The following ZNF407 variants were observed in gnomAD, a reference collection of about 807,000 sequenced individuals.
The protein encoded by ZNF407 is zinc finger protein 407.
Under a neutral mutation model 131.2 loss-of-function variants are expected in ZNF407, and 17 were observed. The observed-to-expected ratio is 0.13, with a 90% CI of 0.09 to 0.19. The LOEUF (loss-of-function observed/expected upper bound fraction) is 0.19. Among genes scored for constraint, ZNF407 ranks in the 10% least tolerant of loss-of-function variants. The pLI, the probability that ZNF407 is intolerant of heterozygous loss-of-function variation, is 1.00. For synonymous variants in ZNF407, 1,156 were observed against 1,062.0 expected (o/e 1.09, Z -1.72); for missense variants, 2,681 against 2,830.6 (o/e 0.95, Z 1.20).
Position 74,877,284 on chromosome 18 carries a change from G to T in ZNF407, c.4965G>T (p.Pro1655=), listed in dbSNP as rs767992686. The T allele has an allele frequency of 6.2e-7, 1 of 1,613,980 alleles. No homozygotes were observed. The highest frequency in any genetic ancestry group is 8.5e-7 in the Non-Finnish European group (1 of 1,179,880). Residue 1655 remains proline, a synonymous_variant, in exon 5 of 9, where the codon CCG becomes CCT. Coordinates refer to ENST00000299687, the MANE Select transcript of ZNF407 (RefSeq NM_017757.3). The part of the protein sequence containing the change: ...NHMKLHTGEK[P]FKCTWPTCHY... ...TGAAACTCCACACGGGAGAAAAGCC[G>T]TTTAAATGTACCTGGCCCACGTGCC...
intron 8 of ZNF407, among the ~76,000 whole-genome samples, chr18:74,922,020 G>A (rs1042478037): frequency 3.3e-5 from 5 of 152,102 alleles, no homozygotes; most frequent in Admixed American, 6.5e-5. Flanking sequence ...AAGTAATGTC[G>A]AGTGTGTGAT....
intron 1 of ZNF407, among the ~76,000 whole-genome samples, chr18:74,625,492 A>G (rs887269703): frequency 1.4e-4 from 21 of 152,320 alleles, no homozygotes; most frequent in Admixed American, 1.2e-3. Flanking sequence ...GTGTTTGCAG[A>G]TGAAGACGTG....
intron 3 of ZNF407, among the ~76,000 whole-genome samples, chr18:74,732,572 C>G (rs999744692): frequency 6.6e-6 from 1 of 152,146 alleles, no homozygotes; most frequent in African/African-American, 2.4e-5. Flanking sequence ...CAGTATTGAC[C>G]TTAGATAAGC....
chr18:74,899,414 C>A (rs113956245), intron 7 of ZNF407, among the ~76,000 whole-genome samples: 3,662 of 152,148 alleles, frequency 0.024, 124 homozygotes, highest in African/African-American at 0.08. Context: ...TGCACGCCAT[C>A]CTTCGGGTGT....
At chr18:74,642,044 C>T (rs1438722541) in intron 3 of ZNF407, among the ~76,000 whole-genome samples, 1 of 151,202 alleles carries the variant, frequency 6.6e-6, no homozygotes, top group Non-Finnish European at 1.5e-5. Context: ...GTAGAAGATT[C>T]TGCTGATTGA....
rs1427360302 is a variant in ZNF407 at position 74,987,282 on chromosome 18, T to A, written c.5428+66590T>A. 3.3e-5 allele frequency among the ~76,000 whole-genome samples: 5 copies of A among 152,152 alleles called. No homozygotes were observed. In the East Asian group the frequency reaches 9.6e-4, roughly 29 times the overall value. ...CCAAAGTTGTTAAGATCACATTGATTTTATAGCTCCTTTGATAGACGATAA... is the reference window on the plus strand; with the variant it reads ...CCAAAGTTGTTAAGATCACATTGATATTATAGCTCCTTTGATAGACGATAA... On this transcript the variant is annotated intron_variant, in intron 8 of 8. Coordinates refer to ENST00000299687, the MANE Select transcript of ZNF407 (RefSeq NM_017757.3).
In ZNF407 at chr18:74,668,348, A is replaced by G. The variant is rs533051258; in HGVS notation, c.4802+27226A>G. Among the ~76,000 whole-genome samples the G allele has an allele frequency of 1.4e-3, 173 of 125,228 alleles. 1 individual carries two copies. Among genetic ancestry groups the G allele is most frequent in the African/African-American group, 3.5e-3 (136 of 38,670 alleles). The allele number at this position is 125,228 out of a possible 152,430, so 82.2% of individuals were successfully genotyped here. On this transcript the variant is annotated intron_variant, in intron 3 of 8. Coordinates refer to ENST00000299687, the MANE Select transcript of ZNF407 (RefSeq NM_017757.3). ...TATATCTTATTATGTAAGTACAAAT[A>G]TTCCGAAACTGGAAAACATATGAAA...
chr18:74,850,415 C>T (rs908960560), intron 4 of ZNF407, among the ~76,000 whole-genome samples: 1 of 152,126 alleles, frequency 6.6e-6, no homozygotes, highest in East Asian at 1.9e-4. Flanking sequence ...CATCTTAATT[C>T]ATACTTCTCT....
chr18:74,712,034 C>T (rs950128654), intron 3 of ZNF407, among the ~76,000 whole-genome samples: 1 of 152,116 alleles, frequency 6.6e-6, no homozygotes, highest in Non-Finnish European at 1.5e-5. Context: ...TAAAAGTAAA[C>T]CTTTTTATCA....
intron 3 of ZNF407, among the ~76,000 whole-genome samples, chr18:74,647,112 CT>C (rs941826790): frequency 1.2e-4 from 18 of 148,366 alleles, no homozygotes; most frequent in African/African-American, 2.5e-4. Context: ...TCTTCTTCTT[CT>C]TTTTTTTTTA....
intron 4 of ZNF407, among the ~76,000 whole-genome samples, chr18:74,813,088 T>C (rs1330632562): frequency 6.6e-6 from 1 of 152,186 alleles, no homozygotes; most frequent in East Asian, 1.9e-4. Context: ...CAGGCCCCGA[T>C]GGTGTGATAT....
chr18:74,895,671 C>G (rs576787184), intron 7 of ZNF407, among the ~76,000 whole-genome samples: 33 of 152,060 alleles, frequency 2.2e-4, no homozygotes, highest in Non-Finnish European at 4.3e-4. Flanking sequence ...TCATAGATAA[C>G]AGTATACATT....
intron 3 of ZNF407, among the ~76,000 whole-genome samples, chr18:74,767,267 CTTAG>C (rs1969256104): frequency 1.3e-5 from 2 of 152,132 alleles, no homozygotes; most frequent in Admixed American, 1.3e-4. Context: ...AATAGATTCA[CTTAG>C]TTTATTACAA....
intron 3 of ZNF407, among the ~76,000 whole-genome samples, chr18:74,730,655 C>T (rs866482741): frequency 3.8e-4 from 58 of 152,318 alleles, no homozygotes; most frequent in African/African-American, 1.3e-3. Flanking sequence ...GTTTAACCAT[C>T]ACCCTGTACA....
At chr18:75,005,389 G>C (rs947320819) in intron 8 of ZNF407, among the ~76,000 whole-genome samples, 1 of 152,044 alleles carries the variant, frequency 6.6e-6, no homozygotes, top group East Asian at 1.9e-4. Flanking sequence ...ATTAAAGCCT[G>C]TGAAGAATCT....
At chr18:74,738,141 G>A (rs1400900317) in intron 3 of ZNF407, among the ~76,000 whole-genome samples, 1 of 152,104 alleles carries the variant, frequency 6.6e-6, no homozygotes, top group African/African-American at 2.4e-5. Flanking sequence ...GGGACGTTGG[G>A]CCAGGTGCGG....
chr18:74,760,565 T>C (rs1969072396), intron 3 of ZNF407, among the ~76,000 whole-genome samples: 1 of 152,172 alleles, frequency 6.6e-6, no homozygotes, highest in Non-Finnish European at 1.5e-5. Flanking sequence ...TGGTTTTTTG[T>C]TTGTTTTTTC....
chr18:74,674,040 C>T (rs578054272), intron 3 of ZNF407, among the ~76,000 whole-genome samples: 219 of 152,308 alleles, frequency 1.4e-3, no homozygotes, highest in Middle Eastern at 6.8e-3. Context: ...TAATGAAGAA[C>T]TAAGTATGAT....
rs546439611 is a variant in ZNF407, at chr18:74,860,234, A to T, written c.4878-16963A>T. ...ATCCCTTGAGCCTGGGAGTTCAAGG[A>T]TGCAGTGAGCTATGATTACACCATC... On this transcript the variant is annotated intron_variant, in intron 4 of 8. Transcript: ENST00000299687. Among the ~76,000 whole-genome samples the T allele has an allele frequency of 2.3e-4, 35 of 152,130 alleles. 1 individual carries two copies. Among genetic ancestry groups the T allele is most frequent in the African/African-American group, 8.2e-4 (34 of 41,502 alleles).
Sources: gnomAD v4.1 joint callset for allele counts (sites outside exome capture counted in the v4.1 genomes callset) on GRCh38, gnomAD v4.1.1 for gene constraint, MANE v1.5 for transcripts, NCBI Gene and HGNC (gene_info 2026-07-23, HGNC 2026-07-21) for gene names.